CACNB2: variants seen among roughly 807,000 people sequenced by gnomAD.
CACNB2 encodes voltage-dependent L-type calcium channel subunit beta-2.
Under a neutral mutation model 73.3 loss-of-function variants are expected in CACNB2, and 42 were observed. The observed-to-expected ratio is 0.57, with a 90% CI of 0.45 to 0.74. CACNB2 has a LOEUF of 0.74. CACNB2 is among the 30% of genes least tolerant of loss of function. The pLI is 0.00. For synonymous variants in CACNB2, 348 were observed against 310.3 expected (o/e 1.12, Z -1.28); for missense variants, 940 against 853.0 (o/e 1.10, Z -1.27).
At chr10:18,367,292 A>T (rs553908463) in intron 2 of CACNB2, among the ~76,000 whole-genome samples, 3 of 152,082 alleles carry the variant, frequency 2.0e-5, no homozygotes, top group Admixed American at 6.6e-5. Context: ...TTATAATTAT[A>T]TTATTTTGTT....
chr10:18,412,874 G>A (rs2132644117), intron 3 of CACNB2, among the ~76,000 whole-genome samples: 1 of 152,362 alleles, frequency 6.6e-6, no homozygotes, highest in Middle Eastern at 3.4e-3. Flanking sequence ...CACTGCAGAG[G>A]CTTAGGGATG....
At chr10:18,319,857 A>G (rs1367041442) in intron 2 of CACNB2, among the ~76,000 whole-genome samples, 2 of 152,124 alleles carry the variant, frequency 1.3e-5, no homozygotes, top group African/African-American at 4.8e-5. Flanking sequence ...AGAGTTCTGG[A>G]CAGAGGCAAG....
intron 3 of CACNB2, among the ~76,000 whole-genome samples, chr10:18,411,818 T>C (rs997139830): frequency 6.6e-6 from 1 of 152,206 alleles, no homozygotes; most frequent in African/African-American, 2.4e-5. Flanking sequence ...TCTTTAAGCA[T>C]GTAGAAATAT....
chr10:18,402,475 G>GGT (rs976367178), intron 3 of CACNB2, among the ~76,000 whole-genome samples: 2 of 150,744 alleles, frequency 1.3e-5, no homozygotes, highest in African/African-American at 4.9e-5. Context: ...TTACTTCATA[G>GGT]GTGTTTTATG....
At chr10:18,189,337 A>G (rs528168136) in intron 2 of CACNB2, among the ~76,000 whole-genome samples, 8 of 152,332 alleles carry the variant, frequency 5.3e-5, no homozygotes, top group Admixed American at 5.2e-4. Flanking sequence ...CAAAAATAAT[A>G]TAGCAGAAAG....
intron 11 of CACNB2, among the ~76,000 whole-genome samples, chr10:18,534,621 C>T (rs950461825): frequency 5.2e-4 from 79 of 152,322 alleles, no homozygotes; most frequent in Non-Finnish European, 4.3e-4. Context: ...CTGTATTCAC[C>T]GCCACCATGC....
intron 2 of CACNB2, among the ~76,000 whole-genome samples, chr10:18,247,740 AC>A (rs2036924285): frequency 6.6e-6 from 1 of 152,194 alleles, no homozygotes; most frequent in African/African-American, 2.4e-5. Context: ...GTGTCTGGTG[AC>A]AAACTCTCCC....
At chr10:18,424,176 T>C (rs1256378544) in intron 3 of CACNB2, among the ~76,000 whole-genome samples, 1 of 152,110 alleles carries the variant, frequency 6.6e-6, no homozygotes, top group Admixed American at 6.6e-5. Context: ...CTTAGCCCAC[T>C]GAGTTCTTGG....
intron 3 of CACNB2, among the ~76,000 whole-genome samples, chr10:18,477,174 T>G (rs2048484317): frequency 6.6e-6 from 1 of 152,152 alleles, no homozygotes; most frequent in Non-Finnish European, 1.5e-5. Context: ...GAATCAGCCT[T>G]AGGTTCCCTG....
intron 10 of CACNB2, 127 bp downstream of exon 10, chr10:18,527,824 C>G: frequency 1.4e-6 from 1 of 711,832 alleles, no homozygotes; most frequent in Non-Finnish European, 2.5e-6. Context: ...TGCTGCCAGT[C>G]GCTGTTGCTA....
chr10:18,424,000 TTAAA>T (rs1304011136), intron 3 of CACNB2, among the ~76,000 whole-genome samples: 1 of 151,978 alleles, frequency 6.6e-6, no homozygotes, highest in Non-Finnish European at 1.5e-5. Flanking sequence ...TTTTGAAAAA[TTAAA>T]TAATATATAA....
At chr10:18,434,822 C>A (rs2046056052) in intron 3 of CACNB2, among the ~76,000 whole-genome samples, 1 of 152,134 alleles carries the variant, frequency 6.6e-6, no homozygotes, top group South Asian at 2.1e-4. Flanking sequence ...AGCAGGCACT[C>A]CCCTAGCTAT....
intron 2 of CACNB2, among the ~76,000 whole-genome samples, chr10:18,186,195 G>A (rs191204384): frequency 3.3e-5 from 5 of 152,188 alleles, no homozygotes; most frequent in East Asian, 3.9e-4. Flanking sequence ...GAAGGTGGGC[G>A]GATCACCTGA....
chr10:18,472,921 G>A lies in CACNB2; in HGVS notation c.334-25434G>A, dbSNP rs925068026. Among the ~76,000 whole-genome samples the A allele has an allele frequency of 3.3e-5, 5 of 152,148 alleles. No individual in the cohort carries two copies. In the South Asian group the frequency reaches 1.0e-3, roughly 32 times the overall value. ...AATGTGCCATTTGTATTTTCAACAAGCCCCACCCCAGCTGCTGAAAATGAT... is the reference window on the plus strand; with the variant it reads ...AATGTGCCATTTGTATTTTCAACAAACCCCACCCCAGCTGCTGAAAATGAT... On this transcript the variant is annotated intron_variant, in intron 3 of 13. Coordinates refer to ENST00000324631, the MANE Select transcript of CACNB2 (RefSeq NM_201596.3).
chr10:18,538,001 G>A (rs1307350882), intron 12 of CACNB2, among the ~76,000 whole-genome samples, 179 bp from the exon 13 acceptor site: 1 of 152,164 alleles, frequency 6.6e-6, no homozygotes, highest in African/African-American at 2.4e-5. Context: ...CCTCAACAAT[G>A]ATTTGAGGTA....
chr10:18,154,255 G>A (rs940425656), intron 2 of CACNB2, among the ~76,000 whole-genome samples: 3 of 150,478 alleles, frequency 2.0e-5, no homozygotes, highest in Non-Finnish European at 4.4e-5. Context: ...GGTTGATAAT[G>A]TGAAAATTTG....
chr10:18,140,607 G>C lies in CACNB2; in HGVS notation c.-130G>C, dbSNP rs1015754672. On this transcript the variant is annotated 5_prime_UTR_variant, in exon 1 of 14. Coordinates refer to ENST00000324631, the MANE Select transcript of CACNB2 (RefSeq NM_201596.3). ...GAGTCCCGGGGCGCTGCGGGGCGCT[G>C]CGCCGAGAACGGCCGGGCCTGAGCC... The C allele has an allele frequency of 4.5e-6, 3 of 671,828 alleles. No homozygotes were observed. The African/African-American group carries it at 5.8e-5, about 13-fold the overall frequency. 41.6% of individuals were successfully genotyped at this position (671,828 alleles called of 1,614,324 possible).
At chr10:18,535,616 C>CA (rs2053488323) in intron 11 of CACNB2, among the ~76,000 whole-genome samples, 3 of 151,832 alleles carry the variant, frequency 2.0e-5, no homozygotes, top group Non-Finnish European at 2.9e-5. Flanking sequence ...ACTAAAAATA[C>CA]AAAAAAATTA....
intron 3 of CACNB2, among the ~76,000 whole-genome samples, chr10:18,466,720 A>C (rs1007375731): frequency 7.2e-5 from 11 of 152,200 alleles, no homozygotes; most frequent in African/African-American, 2.7e-4. Context: ...TCATCTAAAA[A>C]TTCTAGCTCC....
Sources: allele counts gnomAD v4.1 joint callset (sites outside exome capture counted in the v4.1 genomes callset), GRCh38; gene constraint gnomAD v4.1.1; transcripts MANE v1.5; gene names NCBI Gene and HGNC (gene_info 2026-07-23, HGNC 2026-07-21).